The following NME7 variants were observed in gnomAD, a reference collection of about 807,000 sequenced individuals.
NME7 encodes the protein nucleoside diphosphate kinase 7.
Under a neutral mutation model 49.1 loss-of-function variants are expected in NME7, and 41 were observed. The ratio of observed to expected loss-of-function variants is 0.83; its 90% confidence interval spans 0.65 to 1.08. The LOEUF is 1.08. Among genes scored for constraint, NME7 ranks in the 50% least tolerant of loss-of-function variants. The pLI, the probability that NME7 is intolerant of heterozygous loss-of-function variation, is 0.00. For missense variants in NME7, 423 were observed against 463.4 expected, an observed-to-expected ratio of 0.91 and a Z score of 0.80; for synonymous variants, 139 against 150.6, an observed-to-expected ratio of 0.92 and a Z score of 0.56.
At chr1:169,174,711 T>C (rs1659702989) in intron 10 of NME7, among the ~76,000 whole-genome samples, 1 of 152,200 alleles carries the variant, frequency 6.6e-6, no homozygotes, top group Admixed American at 6.5e-5. Context: ...TATTTGTGTA[T>C]CTACACATAT....
intron 11 of NME7, among the ~76,000 whole-genome samples, chr1:169,135,722 G>C (rs1340045095): frequency 6.6e-6 from 1 of 152,090 alleles, no homozygotes; most frequent in African/African-American, 2.4e-5. Context: ...CCATATCCTA[G>C]TCATGTGAAA....
rs191541705 is a variant in NME7, at chr1:169,256,472, T to G, written c.755-18785A>C. On this transcript the variant is annotated intron_variant, in intron 7 of 11. Coordinates refer to ENST00000367811, the MANE Select transcript of NME7 (RefSeq NM_013330.5). ...TTCTAGTTATACATTCTTCTAAATC[T>G]TTTTCAAAGTTTTCAACTTCTTTGC... Among the ~76,000 whole-genome samples the G allele has an allele frequency of 5.3e-5, 7 of 133,326 alleles. 2 individuals carry two copies. The highest frequency in any genetic ancestry group is 5.1e-4 in the Admixed American group (7 of 13,612). 87.5% of individuals were successfully genotyped at this position (133,326 alleles called of 152,430 possible). A position where few individuals can be genotyped will look rare whatever the true frequency, so the allele number is the denominator to read the frequency against.
intron 11 of NME7, among the ~76,000 whole-genome samples, chr1:169,138,413 T>C (rs545814953): frequency 1.3e-5 from 2 of 152,108 alleles, no homozygotes; most frequent in Non-Finnish European, 2.9e-5. Flanking sequence ...CAGAGTTCTC[T>C]TTTAAAAACC....
intron 4 of NME7, among the ~76,000 whole-genome samples, chr1:169,306,223 G>C (rs1434155880): frequency 6.6e-6 from 1 of 152,160 alleles, no homozygotes; most frequent in Non-Finnish European, 1.5e-5. Flanking sequence ...CAAAGAGCTT[G>C]TCTGCTTGAC....
chr1:169,308,197 G>A (rs1231875310), intron 4 of NME7, among the ~76,000 whole-genome samples: 2 of 152,042 alleles, frequency 1.3e-5, no homozygotes, highest in Non-Finnish European at 2.9e-5. Flanking sequence ...ATACATAAGG[G>A]AAAAATTCCA....
At chr1:169,360,184 C>T (rs1571421113) in intron 1 of NME7, among the ~76,000 whole-genome samples, 1 of 152,170 alleles carries the variant, frequency 6.6e-6, no homozygotes, top group African/African-American at 2.4e-5. Context: ...GCTCTGCTCG[C>T]CACACCTTAG....
At chr1:169,132,968 C>T (rs959756699) in intron 11 of NME7, 151 bp from the exon 12 acceptor site, 3 of 549,628 alleles carry the variant, frequency 5.5e-6, no homozygotes, top group South Asian at 5.5e-5. Context: ...GGCAGAGAAT[C>T]GATGAAGCTC....
At chr1:169,206,729 T>C (rs538297628) in intron 10 of NME7, among the ~76,000 whole-genome samples, 8 of 149,852 alleles carry the variant, frequency 5.3e-5, no homozygotes, top group Admixed American at 1.3e-4. Flanking sequence ...TACATATTTA[T>C]TAAAATGTAG....
chr1:169,163,409 T>C (rs1373719370), intron 11 of NME7, among the ~76,000 whole-genome samples: 1 of 152,046 alleles, frequency 6.6e-6, no homozygotes, highest in Admixed American at 6.6e-5. Context: ...AAGGGATAAA[T>C]GGATCAATTA....
intron 5 of NME7, among the ~76,000 whole-genome samples, chr1:169,299,597 A>G (rs971481590): frequency 1.1e-4 from 16 of 152,104 alleles, no homozygotes; most frequent in African/African-American, 3.9e-4. Flanking sequence ...CTCCTGGAGA[A>G]AGGAGCATGG....
chr1:169,318,180 C>T (rs1209761608), intron 3 of NME7, among the ~76,000 whole-genome samples: 1 of 152,142 alleles, frequency 6.6e-6, no homozygotes, highest in Non-Finnish European at 1.5e-5. Context: ...AGTTCCAGAT[C>T]AGTGTAAGGG....
intron 11 of NME7, 81 bp downstream of exon 11, chr1:169,169,366 A>G (rs1193284286): frequency 7.8e-7 from 1 of 1,276,484 alleles, no homozygotes; most frequent in Non-Finnish European, 1.1e-6. Flanking sequence ...AATAAAACAA[A>G]AAGTTTTCTT....
intron 10 of NME7, among the ~76,000 whole-genome samples, chr1:169,188,488 A>C (rs1378478512): frequency 3.3e-5 from 5 of 152,324 alleles, no homozygotes; most frequent in Admixed American, 3.3e-4. Flanking sequence ...GTATCCATCC[A>C]TTCAATTGAA....
At chr1:169,303,960 C>T (rs1651075016) in intron 4 of NME7, among the ~76,000 whole-genome samples, 1 of 151,932 alleles carries the variant, frequency 6.6e-6, no homozygotes, top group Non-Finnish European at 1.5e-5. Flanking sequence ...AGCTTTTTTT[C>T]TTAGCTAGGT....
At chr1:169,274,181 C>A (rs1200215754) in intron 7 of NME7, among the ~76,000 whole-genome samples, 1 of 133,194 alleles carries the variant, frequency 7.5e-6, no homozygotes, top group Non-Finnish European at 1.8e-5. Context: ...GATGGTATGT[C>A]ATTGTGGTTT....
intron 3 of NME7, among the ~76,000 whole-genome samples, chr1:169,321,734 A>C (rs1350509588): frequency 6.6e-6 from 1 of 152,224 alleles, no homozygotes; most frequent in Non-Finnish European, 1.5e-5. Flanking sequence ...AAGACTATGG[A>C]AGTCACAGAA....
At chr1:169,212,089 G>C (rs758769659) in intron 10 of NME7, among the ~76,000 whole-genome samples, 3 of 152,000 alleles carry the variant, frequency 2.0e-5, no homozygotes, top group Non-Finnish European at 2.9e-5. Flanking sequence ...CAGTTATTCT[G>C]AAATCTAAGT....
intron 11 of NME7, among the ~76,000 whole-genome samples, chr1:169,162,282 A>G (rs1659272679): frequency 6.6e-6 from 1 of 152,194 alleles, no homozygotes; most frequent in African/African-American, 2.4e-5. Flanking sequence ...TTCTCTGTGC[A>G]GGGGGCAGGA....
intron 1 of NME7, among the ~76,000 whole-genome samples, chr1:169,332,740 T>A (rs1055537504): frequency 6.6e-6 from 1 of 152,164 alleles, no homozygotes; most frequent in African/African-American, 2.4e-5. Context: ...TCACTGATCA[T>A]CAGAGAAATG....
Sources: gnomAD v4.1 joint callset for allele counts (sites outside exome capture counted in the v4.1 genomes callset) on GRCh38, gnomAD v4.1.1 for gene constraint, MANE v1.5 for transcripts, NCBI Gene and HGNC (gene_info 2026-07-23, HGNC 2026-07-21) for gene names.